P2RY14: variants seen among roughly 807,000 people sequenced by gnomAD.
P2RY14 encodes purinergic receptor P2Y14.
Under a neutral mutation model 0.9 loss-of-function variants are expected in P2RY14, and 2 were observed. The observed-to-expected ratio is 2.16, with a 90% CI of 0.88 to 6.79. The LOEUF is 6.79. P2RY14 is among the 30% of genes most tolerant of loss of function. The probability of loss-of-function intolerance (pLI) is 0.05; values close to 1 mark genes in which losing one functional copy is unlikely to be tolerated. For synonymous variants in P2RY14, 158 were observed against 147.2 expected (o/e 1.07, Z -0.53); for missense variants, 378 against 400.1 (o/e 0.94, Z 0.47).
At chr3:151,247,506 G>A (rs201692271) in intron 1 of P2RY14, among the ~76,000 whole-genome samples, 26,885 of 149,038 alleles carry the variant, frequency 0.18, 2,959 homozygotes, top group South Asian at 0.32. Flanking sequence ...GTAAACTATC[G>A]CAAGAACAAA....
intron 1 of P2RY14, among the ~76,000 whole-genome samples, chr3:151,267,259 A>G (rs1026503125): frequency 5.9e-5 from 9 of 152,150 alleles, no homozygotes; most frequent in Non-Finnish European, 8.8e-5. Context: ...AGGATTGTAC[A>G]TTGTCATTTA....
intron 1 of P2RY14, among the ~76,000 whole-genome samples, chr3:151,248,625 T>C (rs1384568207): frequency 1.3e-5 from 2 of 152,144 alleles, no homozygotes. Context: ...TAATGCCTAA[T>C]GTACAAGCCC....
chr3:151,267,271 A>C (rs769911407), intron 1 of P2RY14, among the ~76,000 whole-genome samples: 12 of 152,284 alleles, frequency 7.9e-5, no homozygotes, highest in Non-Finnish European at 1.3e-4. Context: ...TGTCATTTAG[A>C]AAGGCATAAC....
intron 1 of P2RY14, among the ~76,000 whole-genome samples, chr3:151,277,887 A>G (rs1742158583): frequency 6.6e-6 from 1 of 152,244 alleles, no homozygotes; most frequent in African/African-American, 2.4e-5. Flanking sequence ...GCAATTGCAA[A>G]CAAAGACATA....
At chr3:151,216,215 T>A (rs2149240267) in intron 2 of P2RY14, among the ~76,000 whole-genome samples, 1 of 152,352 alleles carries the variant, frequency 6.6e-6, no homozygotes, top group South Asian at 2.1e-4. Flanking sequence ...TAAATGAATA[T>A]GCACTCTGGG....
Position 151,213,694 on chromosome 3 carries a change from G to A in P2RY14, c.623C>T (p.Ala208Val). 6.2e-7 allele frequency: 1 copy of A among 1,614,174 alleles called. No homozygotes were observed. Among genetic ancestry groups the A allele is most frequent in the South Asian group, 1.1e-5 (1 of 91,086 alleles). ...VFLLLIVFYTAITKKIFKSHL... is the reference protein window; with the variant it reads ...VFLLLIVFYTVITKKIFKSHL... ...GGACTTAAAGATTTTCTTTGTGATA[G>A]CAGTATAGAAAACGATTAACAAAAG... Residue 208 changes from alanine (A) to valine (V), a missense_variant, in exon 3 of 3, where the codon GCT becomes GTT. Transcript: ENST00000309170.
In P2RY14 at chr3:151,216,670, T is replaced by TC. The variant is rs200661403; in HGVS notation, c.-24-2331dup. Among the ~76,000 whole-genome samples the TC allele has an allele frequency of 5.3e-4, 80 of 152,300 alleles. No homozygotes were observed. In the East Asian group the frequency reaches 0.015, roughly 28 times the overall value. ...CTTTCACTAGCACTATTCTTCCTCT[T>TC]CCCTGTAGCCTTGTGTGCTTGGCTC... is the stretch of plus-strand genomic sequence containing the variant. On this transcript the variant is annotated intron_variant, in intron 2 of 2. Transcript: ENST00000309170.
At chr3:151,261,685 G>GTGTTTTGTTTTGTTT (rs10627724) in intron 1 of P2RY14, among the ~76,000 whole-genome samples, 3,659 of 148,708 alleles carry the variant, frequency 0.025, 146 homozygotes, top group African/African-American at 0.082. Flanking sequence ...GTGGTACGTG[G>GTGTTTTGTTTTGTTT]TGTTTTGTTT....
intron 1 of P2RY14, among the ~76,000 whole-genome samples, chr3:151,268,037 T>C (rs752116188): frequency 1.6e-4 from 25 of 152,166 alleles, no homozygotes; most frequent in Non-Finnish European, 2.5e-4. Context: ...CTTAGTAAAG[T>C]CTCAAGGAAA....
At chr3:151,269,736 C>T in intron 1 of P2RY14, 1 of 414,828 alleles carries the variant, frequency 2.4e-6, no homozygotes, top group Non-Finnish European at 4.7e-6. Context: ...AAGTTCTCTC[C>T]AAGGAATTTC....
intron 1 of P2RY14, among the ~76,000 whole-genome samples, chr3:151,220,124 G>T (rs1024787534): frequency 6.8e-6 from 1 of 147,800 alleles, no homozygotes; most frequent in Non-Finnish European, 1.5e-5. Context: ...CTGCCTACTA[G>T]ATGCCAGTAA....
At chr3:151,215,680 A>G (rs1022125966) in intron 2 of P2RY14, among the ~76,000 whole-genome samples, 2 of 152,214 alleles carry the variant, frequency 1.3e-5, no homozygotes, top group African/African-American at 2.4e-5. Context: ...ATCGGAACAG[A>G]TGTTTACTGC....
intron 1 of P2RY14, among the ~76,000 whole-genome samples, chr3:151,251,745 A>G (rs1736897731): frequency 6.6e-6 from 1 of 152,186 alleles, no homozygotes; most frequent in Non-Finnish European, 1.5e-5. Context: ...TGCCTAGAAC[A>G]GCTCTCTGGA....
chr3:151,233,502 G>A (rs1373824847), intron 1 of P2RY14, among the ~76,000 whole-genome samples: 3 of 152,240 alleles, frequency 2.0e-5, no homozygotes, highest in Admixed American at 2.0e-4. Flanking sequence ...GGGAGGCCGA[G>A]GCTGGCGGGT....
At chr3:151,237,060 T>C (rs1383377345) in intron 1 of P2RY14, among the ~76,000 whole-genome samples, 1 of 150,704 alleles carries the variant, frequency 6.6e-6, no homozygotes, top group Non-Finnish European at 1.5e-5. Context: ...TTTTTTTTTT[T>C]TTTTTTGAGA....
intron 1 of P2RY14, among the ~76,000 whole-genome samples, chr3:151,272,058 A>T (rs990628078): frequency 1.3e-5 from 2 of 152,226 alleles, no homozygotes; most frequent in Non-Finnish European, 2.9e-5. Context: ...AGCAATACAG[A>T]TGTTGAGCAT....
intron 1 of P2RY14, among the ~76,000 whole-genome samples, chr3:151,220,331 G>T (rs1055180188): frequency 6.6e-6 from 1 of 152,044 alleles, no homozygotes; most frequent in Non-Finnish European, 1.5e-5. Flanking sequence ...ATTTGGTTCT[G>T]CCTTAGTCTA....
intron 1 of P2RY14, among the ~76,000 whole-genome samples, chr3:151,259,087 A>G (rs767979327): frequency 2.2e-4 from 33 of 152,218 alleles, no homozygotes; most frequent in Admixed American, 5.9e-4. Context: ...CATACTTTAA[A>G]TATACTGGAA....
At chr3:151,251,446 G>A (rs1038408861) in intron 1 of P2RY14, among the ~76,000 whole-genome samples, 4 of 151,154 alleles carry the variant, frequency 2.6e-5, no homozygotes, top group South Asian at 2.1e-4. Flanking sequence ...GTCATTTTTT[G>A]TCTGTGTTCC....
Sources: allele counts gnomAD v4.1 joint callset (sites outside exome capture counted in the v4.1 genomes callset), GRCh38; gene constraint gnomAD v4.1.1; transcripts MANE v1.5; gene names NCBI Gene and HGNC (gene_info 2026-07-23, HGNC 2026-07-21).